Variants in FDX1 observed in about 807,000 individuals in gnomAD.
FDX1 encodes the protein ferredoxin 1.
FDX1 carries 9 observed loss-of-function variants against 14.9 expected under a neutral mutation model. The ratio of observed to expected loss-of-function variants is 0.60; its 90% CI spans 0.36 to 1.05. FDX1 has a LOEUF of 1.05. Ranked by LOEUF, FDX1 falls within the 50% of genes least tolerant of loss-of-function variation. FDX1 has a pLI of 0.01. For synonymous variants in FDX1, 92 were observed against 99.4 expected (o/e 0.93, Z 0.44); for missense variants, 204 against 237.2 (o/e 0.86, Z 0.92).
chr11:110,462,377 G>T lies in FDX1; in HGVS notation c.464G>T (p.Cys155Phe), dbSNP rs936890708. ...TDRSRLGCQICLTKSMDNMTV... is the reference protein window; with the variant it reads ...TDRSRLGCQIFLTKSMDNMTV... Reference sequence around the variant, plus strand: ...AGATCACGGTTGGGCTGCCAAATCTGTTTGACAAAATCTATGGACAATATG... The same window carrying T: ...AGATCACGGTTGGGCTGCCAAATCTTTTTGACAAAATCTATGGACAATATG... The change falls in exon 4 of 4, where the codon TGT becomes TTT. Residue 155 changes from cysteine (C) to phenylalanine (F), a missense_variant. Coordinates refer to ENST00000260270, the MANE Select transcript of FDX1 (RefSeq NM_004109.5). The T allele has an allele frequency of 1.2e-6, 2 of 1,610,706 alleles. No individual in the cohort carries two copies. The highest frequency in any genetic ancestry group is 1.1e-5 in the South Asian group (1 of 90,746).
In FDX1 at chr11:110,435,821, T is replaced by G. The variant is rs1239058460; in HGVS notation, c.186-13T>G. ...AATTACTAAAAATACTAAAGGACTG[T>G]TTTTTTTTCCAGCTCAGAAGATAAA... On this transcript the variant is annotated splice_polypyrimidine_tract_variant and intron_variant, in intron 1 of 3. Transcript: ENST00000260270. 7.0e-6 allele frequency: 11 copies of G among 1,560,850 alleles called. No homozygotes were observed. Among genetic ancestry groups the G allele is most frequent in the Middle Eastern group, 1.9e-4 (1 of 5,280 alleles).
Position 110,454,082 on chromosome 11 carries a change from T to C in FDX1, c.311-2836T>C, listed in dbSNP as rs796887504. Reference sequence around the variant, plus strand: ...AAAGAATAAATACGGGACTAGAATGTATAATGGGAACTTAGTGTGTAGGCA... The same window carrying C: ...AAAGAATAAATACGGGACTAGAATGCATAATGGGAACTTAGTGTGTAGGCA... On this transcript the variant is annotated intron_variant, in intron 2 of 3. Coordinates refer to ENST00000260270, the MANE Select transcript of FDX1 (RefSeq NM_004109.5). 7.2e-5 allele frequency among the ~76,000 whole-genome samples: 11 copies of C among 152,308 alleles called. 1 individual carries two copies. The highest frequency in any genetic ancestry group is 2.6e-4 in the African/African-American group (11 of 41,566).
chr11:110,443,020 A>G (rs116298623), intron 2 of FDX1, among the ~76,000 whole-genome samples: 2,627 of 152,268 alleles, frequency 0.017, 83 homozygotes, highest in African/African-American at 0.059. Context: ...CCATCCATGT[A>G]AGATGTGACT....
chr11:110,435,788 T>C, intron 1 of FDX1, 46 bp from the exon 2 acceptor site: 1 of 1,459,126 alleles, frequency 6.9e-7, no homozygotes, highest in Non-Finnish European at 9.4e-7. Flanking sequence ...TTTTAAATTA[T>C]GTTTTGAAAT....
chr11:110,447,273 C>CAAAAAAAA (rs541827807), intron 2 of FDX1, among the ~76,000 whole-genome samples: 7 of 75,752 alleles, frequency 9.2e-5, no homozygotes, highest in African/African-American at 1.9e-4. Flanking sequence ...ACTAAAAATA[C>CAAAAAAAA]AAAAAAAAAA....
At chr11:110,442,998 C>G (rs950118684) in intron 2 of FDX1, among the ~76,000 whole-genome samples, 6 of 152,176 alleles carry the variant, frequency 3.9e-5, no homozygotes, top group African/African-American at 1.4e-4. Context: ...TGCACAAGCT[C>G]TCTGCCTGAC....
At position 110,463,295 on chromosome 11, in the gene FDX1, G is replaced by A. The variant is rs181272422; in HGVS notation, c.*827G>A. On this transcript the variant is annotated 3_prime_UTR_variant, in exon 4 of 4. Coordinates refer to ENST00000260270, the MANE Select transcript of FDX1 (RefSeq NM_004109.5). Reference sequence around the variant, plus strand: ...TTTCTCTGTCCTGAGCTGGAGAAGGGAATGAGCAGGCTGACACGTTGCACA... The same window carrying A: ...TTTCTCTGTCCTGAGCTGGAGAAGGAAATGAGCAGGCTGACACGTTGCACA... 1 of 152,360 alleles carries A rather than the reference G, an allele frequency of 6.6e-6. No individual in the cohort carries two copies. The highest frequency in any genetic ancestry group is 1.9e-4 in the East Asian group (1 of 5,188). The allele number at this position is 152,360 out of a possible 1,614,324, so 9.4% of individuals were successfully genotyped here.
chr11:110,439,109 T>A (rs1946389092), intron 2 of FDX1, among the ~76,000 whole-genome samples: 1 of 152,152 alleles, frequency 6.6e-6, no homozygotes, highest in Non-Finnish European at 1.5e-5. Context: ...TTTCACCATG[T>A]TGGCCAGGCT....
intron 2 of FDX1, among the ~76,000 whole-genome samples, chr11:110,442,129 T>C (rs1946408464): frequency 6.6e-6 from 1 of 152,192 alleles, no homozygotes; most frequent in Admixed American, 6.5e-5. Context: ...TCAGAGGATG[T>C]ATGGAAATGC....
intron 2 of FDX1, among the ~76,000 whole-genome samples, chr11:110,442,029 A>G (rs77134801): frequency 0.021 from 3,192 of 152,350 alleles, 106 homozygotes; most frequent in African/African-American, 0.069. Flanking sequence ...CAGAGTGTGC[A>G]AACCTCAAGC....
chr11:110,444,887 T>G (rs1246766632), intron 2 of FDX1, among the ~76,000 whole-genome samples: 1 of 151,110 alleles, frequency 6.6e-6, no homozygotes, highest in Non-Finnish European at 1.5e-5. Flanking sequence ...AAGTTGCTAT[T>G]TAACACGACC....
intron 3 of FDX1, among the ~76,000 whole-genome samples, chr11:110,459,142 T>C (rs576451413): frequency 1.4e-4 from 21 of 152,300 alleles, no homozygotes; most frequent in South Asian, 1.0e-3. Context: ...TGAGTTTACA[T>C]TGGATGATTG....
intron 2 of FDX1, among the ~76,000 whole-genome samples, chr11:110,440,157 CT>C (rs1285294010): frequency 6.7e-6 from 1 of 148,872 alleles, no homozygotes; most frequent in African/African-American, 2.4e-5. Flanking sequence ...TTTGGATCAT[CT>C]CTTTTTTTTT....
At chr11:110,453,860 C>T (rs1946503203) in intron 2 of FDX1, among the ~76,000 whole-genome samples, 2 of 152,242 alleles carry the variant, frequency 1.3e-5, no homozygotes, top group Middle Eastern at 3.4e-3. Flanking sequence ...ACAGTCTGAC[C>T]GTTAGCTTTC....
At chr11:110,434,262 G>A (rs1031037916) in intron 1 of FDX1, among the ~76,000 whole-genome samples, 5 of 151,380 alleles carry the variant, frequency 3.3e-5, no homozygotes, top group African/African-American at 1.2e-4. Flanking sequence ...TGTCAAATAC[G>A]CAGAAAACTA....
chr11:110,458,041 G>A (rs1319545070), intron 3 of FDX1, among the ~76,000 whole-genome samples: 2 of 152,144 alleles, frequency 1.3e-5, no homozygotes, highest in Admixed American at 6.5e-5. Flanking sequence ...TGTTCTCTAT[G>A]AGCACCTCCT....
chr11:110,432,785 T>C (rs1160879811), intron 1 of FDX1, among the ~76,000 whole-genome samples: 1 of 152,222 alleles, frequency 6.6e-6, no homozygotes, highest in Non-Finnish European at 1.5e-5. Flanking sequence ...CTACATCTTC[T>C]GACTCTTAGG....
intron 2 of FDX1, among the ~76,000 whole-genome samples, chr11:110,444,308 G>A (rs765181309): frequency 4.6e-5 from 7 of 151,938 alleles, no homozygotes; most frequent in South Asian, 2.1e-4. Flanking sequence ...TATTGAATAC[G>A]GAGTCTCTTA....
chr11:110,429,699 G>A (rs1339076347), upstream of FDX1, among the ~76,000 whole-genome samples: 1 of 152,094 alleles, frequency 6.6e-6, no homozygotes, highest in Non-Finnish European at 1.5e-5. Context: ...AGGGGATGGG[G>A]GTATGCGGAA....
Sources: allele counts gnomAD v4.1 joint callset (sites outside exome capture counted in the v4.1 genomes callset), GRCh38; gene constraint gnomAD v4.1.1; transcripts MANE v1.5; gene names NCBI Gene and HGNC (gene_info 2026-07-23, HGNC 2026-07-21).